Variants in IPO11 observed in about 807,000 individuals in gnomAD.
IPO11 encodes the protein importin-11.
A neutral mutation model predicts 143.2 loss-of-function variants in IPO11; 66 were observed. The ratio of observed to expected loss-of-function variants is 0.46; its 90% CI spans 0.38 to 0.57. The LOEUF (loss-of-function observed/expected upper bound fraction) is 0.57, where lower values mean the gene tolerates loss of function less well. Among genes scored for constraint, IPO11 ranks in the 20% least tolerant of loss-of-function variants. The pLI is 0.00. For missense variants in IPO11, 1,026 were observed against 1,141.0 expected (o/e 0.90, Z 1.45); for synonymous variants, 385 against 377.8 (o/e 1.02, Z -0.22).
chr5:62,472,461 A>G (rs1580218608), intron 7 of IPO11, among the ~76,000 whole-genome samples: 2 of 152,288 alleles, frequency 1.3e-5, no homozygotes, highest in South Asian at 2.1e-4. Flanking sequence ...GTAGCAATTA[A>G]GTACATCAGT....
chr5:62,417,868 C>A (rs1743358773), intron 1 of IPO11, among the ~76,000 whole-genome samples: 1 of 152,204 alleles, frequency 6.6e-6, no homozygotes, highest in Non-Finnish European at 1.5e-5. Context: ...ATGAGCCATG[C>A]AGGCACCAAT....
At chr5:62,417,898 T>C (rs1163657592) in intron 1 of IPO11, among the ~76,000 whole-genome samples, 1 of 152,196 alleles carries the variant, frequency 6.6e-6, no homozygotes, top group Non-Finnish European at 1.5e-5. Flanking sequence ...AAGCCCAAAA[T>C]CTTAATTCTT....
intron 3 of IPO11, 27 bp downstream of exon 3, chr5:62,443,110 T>C: frequency 7.1e-7 from 1 of 1,404,652 alleles, no homozygotes; most frequent in Non-Finnish European, 1.0e-6. Context: ...CCCCTATTCC[T>C]TGAGTATAAT....
intron 7 of IPO11, among the ~76,000 whole-genome samples, chr5:62,472,161 G>C (rs1311749142): frequency 6.6e-6 from 1 of 152,170 alleles, no homozygotes; most frequent in East Asian, 1.9e-4. Context: ...AGTCTTTTCT[G>C]TATAGTAAAT....
chr5:62,517,359 G>T (rs1184065205), intron 20 of IPO11, among the ~76,000 whole-genome samples: 1 of 152,068 alleles, frequency 6.6e-6, no homozygotes, highest in Admixed American at 6.6e-5. Context: ...AACAATGAAC[G>T]ACCCGAGATA....
Position 62,579,768 on chromosome 5 carries a change from A to G in IPO11, c.2583-11809A>G, listed in dbSNP as rs191803132. ...AAGCCTTTGTTCAATTGAGGCATCTATATTTTCTATTTCTAAATAATAATT... is the reference window on the plus strand; with the variant it reads ...AAGCCTTTGTTCAATTGAGGCATCTGTATTTTCTATTTCTAAATAATAATT... On this transcript the variant is annotated intron_variant, in intron 27 of 29. Transcript: ENST00000325324. 894 of 1,543,166 alleles carry G rather than the reference A, an allele frequency of 5.8e-4. 1 individual carries two copies. Among genetic ancestry groups the G allele is most frequent in the African/African-American group, 2.8e-3 (202 of 72,744 alleles).
chr5:62,580,796 C>T, intron 27 of IPO11: 1 of 1,551,410 alleles, frequency 6.4e-7, no homozygotes, highest in Non-Finnish European at 8.7e-7. Context: ...GAGAACATTA[C>T]TTTCTGGGAA....
At chr5:62,418,681 A>C (rs1206597409) in intron 1 of IPO11, among the ~76,000 whole-genome samples, 2 of 152,254 alleles carry the variant, frequency 1.3e-5, no homozygotes, top group African/African-American at 4.8e-5. Flanking sequence ...TCAAAGAGCA[A>C]GACATGCTTT....
chr5:62,511,878 A>G (rs1229569954), intron 19 of IPO11, among the ~76,000 whole-genome samples: 1 of 152,054 alleles, frequency 6.6e-6, no homozygotes, highest in East Asian at 1.9e-4. Flanking sequence ...AAGTCACCAT[A>G]CATACAACAC....
intron 16 of IPO11, among the ~76,000 whole-genome samples, chr5:62,495,644 T>TA (rs1741106597): frequency 6.6e-6 from 1 of 152,076 alleles, no homozygotes; most frequent in African/African-American, 2.4e-5. Context: ...CTGATTTTTC[T>TA]GTTTTTTGTA....
At chr5:62,563,476 T>C (rs960213856) in intron 27 of IPO11, among the ~76,000 whole-genome samples, 1 of 152,150 alleles carries the variant, frequency 6.6e-6, no homozygotes, top group Non-Finnish European at 1.5e-5. Context: ...CATATAATAT[T>C]ATGTAAGTGT....
intron 26 of IPO11, among the ~76,000 whole-genome samples, chr5:62,559,998 C>G (rs889848101): frequency 1.3e-5 from 2 of 149,072 alleles, no homozygotes; most frequent in African/African-American, 4.9e-5. Context: ...GGTAGATGTT[C>G]ACACTGCTAC....
At chr5:62,430,294 T>C (rs909762975) in intron 1 of IPO11, among the ~76,000 whole-genome samples, 5 of 152,208 alleles carry the variant, frequency 3.3e-5, no homozygotes, top group South Asian at 2.1e-4. Flanking sequence ...GCACCAGCAA[T>C]GCATGAGGGT....
At chr5:62,490,868 G>A (rs1185636560) in intron 15 of IPO11, among the ~76,000 whole-genome samples, 16 of 152,092 alleles carry the variant, frequency 1.1e-4, no homozygotes, top group Admixed American at 1.0e-3. Flanking sequence ...CGATTCTTGT[G>A]CCTCAGTCTC....
At chr5:62,509,298 A>C (rs1232133394) in intron 19 of IPO11, among the ~76,000 whole-genome samples, 1 of 152,188 alleles carries the variant, frequency 6.6e-6, no homozygotes, top group Admixed American at 6.5e-5. Context: ...ATTTTATCTA[A>C]AAGATGAGGT....
intron 19 of IPO11, among the ~76,000 whole-genome samples, chr5:62,510,607 G>A (rs541671356): frequency 1.4e-3 from 214 of 152,196 alleles, no homozygotes; most frequent in Non-Finnish European, 2.2e-3. Context: ...GATTTCCTTA[G>A]TTGCCCCATA....
chr5:62,435,210 G>GTATATATATGTACATATATGTACATATA (rs769669064), intron 1 of IPO11, among the ~76,000 whole-genome samples: 1 of 92,328 alleles, frequency 1.1e-5, no homozygotes, highest in Non-Finnish European at 2.1e-5. Flanking sequence ...GTATATATAT[G>GTATATATATGTACATATATGTACATATA]TGTATATATA....
chr5:62,584,737 GTTTT>G lies in IPO11; in HGVS notation c.2583-6837_2583-6834del, dbSNP rs576131673. Reference sequence around the variant, plus strand: ...TCTGAAGCATAGCTTTTTTTGTTTTGTTTTTTGTTTTTGTTTTTTTTTTTTAAGT... The same window carrying G: ...TCTGAAGCATAGCTTTTTTTGTTTTGTTGTTTTTGTTTTTTTTTTTTAAGT... On this transcript the variant is annotated intron_variant, in intron 27 of 29. Transcript: ENST00000325324. 2.2e-4 allele frequency among the ~76,000 whole-genome samples: 30 copies of G among 136,204 alleles called. No individual in the cohort carries two copies. The East Asian group carries it at 5.6e-3, about 26-fold the overall frequency. The allele number at this position is 136,204 out of a possible 152,430, so 89.4% of individuals were successfully genotyped here. A position where few individuals can be genotyped will look rare whatever the true frequency, so the allele number is the denominator to read the frequency against.
intron 29 of IPO11, among the ~76,000 whole-genome samples, chr5:62,605,813 T>C (rs1357673534): frequency 6.6e-6 from 1 of 151,964 alleles, no homozygotes; most frequent in Admixed American, 6.6e-5. Flanking sequence ...CATGGTTTAC[T>C]CAGCCTCAAC....
Sources: gnomAD v4.1 joint callset for allele counts (sites outside exome capture counted in the v4.1 genomes callset) on GRCh38, gnomAD v4.1.1 for gene constraint, MANE v1.5 for transcripts, NCBI Gene and HGNC (gene_info 2026-07-23, HGNC 2026-07-21) for gene names.